The following TTBK1 variants were observed in gnomAD, a reference collection of about 807,000 sequenced individuals.
TTBK1 encodes the protein tau-tubulin kinase 1.
Under a neutral mutation model 108.5 loss-of-function variants are expected in TTBK1, and 34 were observed. The ratio of observed to expected loss-of-function variants is 0.31; its 90% CI spans 0.24 to 0.42. The LOEUF (loss-of-function observed/expected upper bound fraction) is 0.42. Among genes scored for constraint, TTBK1 ranks in the 10% least tolerant of loss-of-function variants. The pLI, the probability that TTBK1 is intolerant of heterozygous loss-of-function variation, is 1.00. For synonymous variants in TTBK1, 809 were observed against 795.1 expected (o/e 1.02, Z -0.29); for missense variants, 1,539 against 1,826.0 (o/e 0.84, Z 2.86).
rs140904387 is a variant in TTBK1 at position 43,269,189 on chromosome 6, G to C, written c.1986+5839G>C. ...GGGGTGCCAAGGCGGAGGGTGTACA[G>C]GGAAAGTTTCTGAGCCCTAATGAGT... On this transcript the variant is annotated intron_variant, in intron 13 of 14. Coordinates refer to ENST00000259750, the MANE Select transcript of TTBK1 (RefSeq NM_032538.3). This position sits in a 1 kb window ranked among gnomAD's most constrained non-coding sequence, Gnocchi z 4.8. Among the ~76,000 whole-genome samples the C allele has an allele frequency of 1.0e-3, 156 of 152,360 alleles. No homozygotes were observed. The highest frequency in any genetic ancestry group is 3.5e-3 in the African/African-American group (145 of 41,582).
chr6:43,282,705 T>G lies in TTBK1; in HGVS notation c.1987-22T>G. On this transcript the variant is annotated intron_variant, in intron 13 of 14. Transcript: ENST00000259750. This position sits in a 1 kb window ranked among gnomAD's most constrained non-coding sequence, Gnocchi z 5.4. ...CAGGAGGGTGGGTGACCTCAGAGGG[T>G]CCCTGTGTATGCCCCTTGCAGGTGT... 5 of 1,572,280 alleles carry G rather than the reference T, an allele frequency of 3.2e-6. No individual in the cohort carries two copies. The highest frequency in any genetic ancestry group is 4.3e-6 in the Non-Finnish European group (5 of 1,159,230).
In TTBK1 at chr6:43,256,462, G is replaced by A. The variant is rs555295627; in HGVS notation, c.861+606G>A. Among the ~76,000 whole-genome samples the A allele has an allele frequency of 1.1e-3, 166 of 151,866 alleles. 1 individual carries two copies. The highest frequency in any genetic ancestry group is 3.8e-3 in the African/African-American group (158 of 41,508). Reference sequence around the variant, plus strand: ...CTCTTAACAATTAATGAAGCTGGCCGGTGCGGTGGCTCACACCTGTAATCC... The same window carrying A: ...CTCTTAACAATTAATGAAGCTGGCCAGTGCGGTGGCTCACACCTGTAATCC... On this transcript the variant is annotated intron_variant, in intron 9 of 14. Coordinates refer to ENST00000259750, the MANE Select transcript of TTBK1 (RefSeq NM_032538.3).
chr6:43,252,911 G>A (rs777486134), intron 3 of TTBK1, 25 bp downstream of exon 3: 2 of 1,611,526 alleles, frequency 1.2e-6, no homozygotes, highest in African/African-American at 1.3e-5. Flanking sequence ...CAGGGGGATG[G>A]GAAGGAAGAG....
chr6:43,257,825 T>G lies in TTBK1; in HGVS notation c.875T>G (p.Val292Gly). 6.2e-7 allele frequency: 1 copy of G among 1,613,676 alleles called. No individual in the cohort carries two copies. The highest frequency in any genetic ancestry group is 8.5e-7 in the Non-Finnish European group (1 of 1,179,846). Residue 292 changes from valine to glycine, a missense_variant, in exon 10 of 15, where the codon GTG (valine) becomes GGG (glycine). Val to Gly is a moderately radical substitution (Grantham distance 109). Around this residue, in one of 5 missense-constraint regions of TTBK1, gnomAD observed 277 missense variants for 332.4 expected, o/e 0.83. Transcript: ENST00000259750. This position sits in a 1 kb window ranked among gnomAD's most constrained non-coding sequence, Gnocchi z 4.5. ...CACCCCCTGCAGTTGATCATGTCAG[T>G]GTTTGAGAACAGCATGAAGGAGAGG... is the stretch of plus-strand genomic sequence containing the variant. The part of the protein sequence containing the change: ...TKPDYQLIMS[V>G]FENSMKERGI...
rs762320300 is a variant in TTBK1, at chr6:43,284,085, G to A, written c.3345G>A (p.Glu1115=). The A allele has an allele frequency of 6.5e-7, 1 of 1,538,946 alleles. No homozygotes were observed. Among genetic ancestry groups the A allele is most frequent in the South Asian group, 1.2e-5 (1 of 84,624 alleles). ...LASGASSSSS[E]EQRRASETLS... Reference sequence around the variant, plus strand: ...CAGGGGCCTCGTCCTCCTCCAGTGAGGAGCAGCGCCGTGCCTCTGAGACCC... The same window carrying A: ...CAGGGGCCTCGTCCTCCTCCAGTGAAGAGCAGCGCCGTGCCTCTGAGACCC... Residue 1115 remains glutamate (E), a synonymous_variant, in exon 14 of 15, where the codon GAG becomes GAA. Coordinates refer to ENST00000259750, the MANE Select transcript of TTBK1 (RefSeq NM_032538.3).
At chr6:43,251,680 GC>G (rs1777244030) in intron 2 of TTBK1, among the ~76,000 whole-genome samples, 1 of 152,076 alleles carries the variant, frequency 6.6e-6, no homozygotes, top group South Asian at 2.1e-4. Context: ...CCTTTCTCAC[GC>G]CTGCTTTGGG....
At chr6:43,271,381 G>A (rs1297644650) in intron 13 of TTBK1, 1 of 985,280 alleles carries the variant, frequency 1.0e-6, no homozygotes, top group African/African-American at 1.7e-5. Flanking sequence ...CATTTACATA[G>A]ACCTCAATGT....
intron 13 of TTBK1, among the ~76,000 whole-genome samples, chr6:43,264,804 G>A (rs1031449263): frequency 1.3e-5 from 2 of 152,144 alleles, no homozygotes; most frequent in Non-Finnish European, 2.9e-5. Flanking sequence ...GTGGGGAGGA[G>A]TGGAGCCAAG....
chr6:43,256,602 G>T (rs1344116101), intron 9 of TTBK1, among the ~76,000 whole-genome samples: 5 of 152,122 alleles, frequency 3.3e-5, no homozygotes. Context: ...AGCCGGGTGT[G>T]GTGGTGGGTA....
At chr6:43,260,953 A>G (rs1233961844) in intron 12 of TTBK1, among the ~76,000 whole-genome samples, 1 of 151,898 alleles carries the variant, frequency 6.6e-6, no homozygotes, top group African/African-American at 2.4e-5. Context: ...ACACACACAC[A>G]CACACGCACA....
rs1390452341 is a variant in TTBK1, at chr6:43,283,741, G to C, written c.3001G>C (p.Ala1001Pro). 3 of 1,612,222 alleles carry C rather than the reference G, an allele frequency of 1.9e-6. No homozygotes were observed. The highest frequency in any genetic ancestry group is 4.5e-5 in the East Asian group (2 of 44,812). ...AEIEGSALSG[A>P]PRETPSEMAT... ...GATAGAGGGCTCTGCCCTGTCTGGG[G>C]CCCCCCGGGAAACCCCCTCAGAGAT... The change falls in exon 14 of 15, where the codon GCC becomes CCC. Residue 1001 changes from alanine (A) to proline (P), a missense_variant. By Grantham distance (27) the Ala-to-Pro change is conservative. This residue lies in a region of TTBK1 where 1,055 missense variants were observed against 1,086.5 expected (regional missense o/e 0.97). Transcript: ENST00000259750. The surrounding 1 kb of genome is among the most constrained non-coding windows in gnomAD (Gnocchi z 8.1).
chr6:43,281,515 A>C (rs1019117582), intron 13 of TTBK1, among the ~76,000 whole-genome samples: 1 of 152,182 alleles, frequency 6.6e-6, no homozygotes, highest in African/African-American at 2.4e-5. Flanking sequence ...ACGGCAGTGC[A>C]GAATGGAGAG....
At position 43,287,012 on chromosome 6, in the gene TTBK1, C is replaced by T. The variant is rs1487962317; in HGVS notation, c.*1636C>T. Reference sequence around the variant, plus strand: ...AAGGATGCCCACAAGGCAGCTGACCCTGAAAGCAGCCTCCCCCTCATGGAG... The same window carrying T: ...AAGGATGCCCACAAGGCAGCTGACCTTGAAAGCAGCCTCCCCCTCATGGAG... On this transcript the variant is annotated 3_prime_UTR_variant, in exon 15 of 15. Coordinates refer to ENST00000259750, the MANE Select transcript of TTBK1 (RefSeq NM_032538.3). The surrounding 1 kb of genome is among the most constrained non-coding windows in gnomAD (Gnocchi z 4.1). 6.5e-6 allele frequency: 1 copy of T among 152,724 alleles called. No individual in the cohort carries two copies. 9.5% of individuals were successfully genotyped at this position (152,724 alleles called of 1,614,324 possible).
intron 3 of TTBK1, 109 bp downstream of exon 3, chr6:43,252,995 G>T: frequency 7.3e-7 from 1 of 1,361,948 alleles, no homozygotes; most frequent in South Asian, 1.3e-5. Flanking sequence ...GTGTGGTAGA[G>T]GGAAAAGGGG....
At chr6:43,252,708 C>T (rs1304971725) in intron 2 of TTBK1, 31 bp from the exon 3 acceptor site, 1 of 1,612,868 alleles carries the variant, frequency 6.2e-7, no homozygotes, top group African/African-American at 1.3e-5. Context: ...AGCCTGATCC[C>T]TGAGCACCCC....
chr6:43,259,661 A>G lies in TTBK1; in HGVS notation c.1379A>G (p.Glu460Gly), dbSNP rs931663779. ...CGGAGGGTGAACAGCCCTGAGTCAG[A>G]AAGGCTGTCCACGGCGGACGGGCGA... ...RYRRVNSPESERLSTADGRVE... is the reference protein window; with the variant it reads ...RYRRVNSPESGRLSTADGRVE... The change falls in exon 12 of 15, where the codon GAA (glutamate) becomes GGA (glycine). Residue 460 changes from glutamate to glycine, a missense_variant. Around this residue, in one of 5 missense-constraint regions of TTBK1, gnomAD observed 277 missense variants for 332.4 expected, o/e 0.83. Coordinates refer to ENST00000259750, the MANE Select transcript of TTBK1 (RefSeq NM_032538.3). The surrounding 1 kb of genome is among the most constrained non-coding windows in gnomAD (Gnocchi z 6.7). 2.3e-5 allele frequency: 37 copies of G among 1,608,038 alleles called. No homozygotes were observed. The highest frequency in any genetic ancestry group is 3.1e-5 in the Non-Finnish European group (36 of 1,177,614).
In TTBK1 at chr6:43,284,951, C is replaced by T. The variant is rs770134202; in HGVS notation, c.3573-32C>T. On this transcript the variant is annotated intron_variant, in intron 14 of 14. Transcript: ENST00000259750. The stretch of plus-strand genomic sequence containing the variant: ...TCTCCTTGTTTTGTTTCTTTGCCCT[C>T]TTCTTTTCTCCTGCCTTCTGCTCTC... 6.0e-6 allele frequency: 9 copies of T among 1,500,794 alleles called. 1 individual carries two copies. In the South Asian group the frequency reaches 9.9e-5, roughly 16 times the overall value. The allele number at this position is 1,500,794 out of a possible 1,614,324, so 93.0% of individuals were successfully genotyped here.
chr6:43,256,808 G>A (rs1303889933), intron 9 of TTBK1, among the ~76,000 whole-genome samples: 2 of 152,118 alleles, frequency 1.3e-5, no homozygotes, highest in Non-Finnish European at 2.9e-5. Flanking sequence ...AAAACTCTGC[G>A]GGAGGCAAGT....
At chr6:43,255,951 TG>T in intron 9 of TTBK1, 95 bp downstream of exon 9, 1 of 1,495,432 alleles carries the variant, frequency 6.7e-7, no homozygotes, top group Admixed American at 1.7e-5. Context: ...TCCACAGCCC[TG>T]CCTTGTCCCC....
Sources: allele counts gnomAD v4.1 joint callset (sites outside exome capture counted in the v4.1 genomes callset), GRCh38; gene constraint gnomAD v4.1.1; regional missense constraint gnomAD v4.1.1; non-coding constraint Gnocchi (gnomAD v3.1); transcripts MANE v1.5; gene names NCBI Gene and HGNC (gene_info 2026-07-23, HGNC 2026-07-21).